AGBL4: variants seen among roughly 807,000 people sequenced by gnomAD.
AGBL4 encodes AGBL carboxypeptidase 4, also known as cytosolic carboxypeptidase 6.
A neutral mutation model predicts 66.4 loss-of-function variants in AGBL4; 58 were observed. The ratio of observed to expected loss-of-function variants is 0.87; its 90% CI spans 0.71 to 1.09. The LOEUF is 1.09. Among genes scored for constraint, AGBL4 ranks in the 50% least tolerant of loss-of-function variants. AGBL4 has a pLI of 0.00. For missense variants in AGBL4, 579 were observed against 631.0 expected (o/e 0.92, Z 0.88); for synonymous variants, 234 against 222.9 (o/e 1.05, Z -0.44).
chr1:49,658,019 A>C (rs1207678133), intron 3 of AGBL4, among the ~76,000 whole-genome samples: 8 of 152,218 alleles, frequency 5.3e-5, no homozygotes, highest in African/African-American at 7.2e-5. Context: ...GATCTAATTA[A>C]ACTAAAGAGC....
chr1:48,887,056 G>T (rs188705125), intron 5 of AGBL4, among the ~76,000 whole-genome samples: 114 of 152,252 alleles, frequency 7.5e-4, no homozygotes, highest in East Asian at 3.9e-3. Context: ...AAGGACTCAG[G>T]ACTGTTTCTT....
intron 5 of AGBL4, among the ~76,000 whole-genome samples, chr1:48,955,134 C>G (rs1657327509): frequency 6.6e-6 from 1 of 152,198 alleles, no homozygotes; most frequent in South Asian, 2.1e-4. Flanking sequence ...CCTTCCCCTT[C>G]TTCCAAGCTT....
intron 3 of AGBL4, among the ~76,000 whole-genome samples, chr1:49,528,905 A>T (rs1001011993): frequency 6.6e-6 from 1 of 152,108 alleles, no homozygotes; most frequent in African/African-American, 2.4e-5. Flanking sequence ...GGGAGTAAAT[A>T]GTAGGAGATG....
Position 48,590,923 on chromosome 1 carries a change from C to T in AGBL4, c.1014G>A (p.Met338Ile), listed in dbSNP as rs201706593. ...CCTCATCCTCAAAGATGTTGCCATA[C>T]ATGAAGCCATTCATCATGGTGGAGT... The part of the protein sequence containing the change: ...HAHSTMMNGF[M>I]YGNIFEDEER... The change falls in exon 10 of 14, where the codon ATG (methionine) becomes ATA (isoleucine). Residue 338 changes from methionine to isoleucine, a missense_variant. Physicochemically the swap from Met to Ile is conservative, Grantham distance 10 (BLOSUM62 1). Transcript: ENST00000371839. The T allele has an allele frequency of 2.0e-4, 328 of 1,610,362 alleles. No individual in the cohort carries two copies. Among genetic ancestry groups the T allele is most frequent in the South Asian group, 6.7e-4 (60 of 89,716 alleles).
intron 6 of AGBL4, among the ~76,000 whole-genome samples, chr1:48,781,193 G>A (rs1224692326): frequency 6.6e-6 from 1 of 151,888 alleles, no homozygotes; most frequent in South Asian, 2.1e-4. Context: ...AAGAACAGAC[G>A]ATGGACCCGG....
At chr1:48,664,275 G>A (rs931691411) in intron 6 of AGBL4, among the ~76,000 whole-genome samples, 8 of 152,186 alleles carry the variant, frequency 5.3e-5, no homozygotes, top group African/African-American at 1.9e-4. Context: ...TTTGTTGGAT[G>A]TGCATACATA....
chr1:49,057,421 A>AAAAAAG (rs1444191242), intron 4 of AGBL4, among the ~76,000 whole-genome samples: 1 of 152,200 alleles, frequency 6.6e-6, no homozygotes, highest in African/African-American at 2.4e-5. Flanking sequence ...GTCTCAAAAC[A>AAAAAAG]AAAAAGAAAA....
intron 5 of AGBL4, among the ~76,000 whole-genome samples, chr1:48,904,716 G>C (rs1652417719): frequency 6.6e-6 from 1 of 152,192 alleles, no homozygotes; most frequent in Admixed American, 6.5e-5. Flanking sequence ...ACATTAGCAT[G>C]AGGTCAGTGC....
chr1:49,002,682 C>T (rs116576501), intron 5 of AGBL4, among the ~76,000 whole-genome samples: 1 of 152,190 alleles, frequency 6.6e-6, no homozygotes, highest in Non-Finnish European at 1.5e-5. Flanking sequence ...AAAGTGCAGT[C>T]TTCCTTAAGA....
rs543632270 is a variant in AGBL4, at chr1:48,563,603, CAGAG to C, written c.1267+23397_1267+23400del. Among the ~76,000 whole-genome samples the C allele has an allele frequency of 4.9e-3, 740 of 151,956 alleles. 5 individuals carry two copies. The highest frequency in any genetic ancestry group is 0.017 in the African/African-American group (710 of 41,402). The stretch of plus-strand genomic sequence containing the variant: ...AAAGACAAATTCTCAGAGAAAGTGA[CAGAG>C]AGAGAGAATTAGAAGGAAAAACAAA... On this transcript the variant is annotated intron_variant, in intron 11 of 13. Transcript: ENST00000371839.
At chr1:49,519,784 G>C (rs955321188) in intron 3 of AGBL4, among the ~76,000 whole-genome samples, 1 of 152,058 alleles carries the variant, frequency 6.6e-6, no homozygotes, top group Non-Finnish European at 1.5e-5. Flanking sequence ...ATGAGACTAT[G>C]CAAACTAGGT....
At chr1:49,940,042 G>A (rs541705261) in intron 1 of AGBL4, among the ~76,000 whole-genome samples, 1 of 152,208 alleles carries the variant, frequency 6.6e-6, no homozygotes, top group South Asian at 2.1e-4. Context: ...GTGGGTGAAG[G>A]ACATGAACAG....
chr1:48,995,386 C>A (rs1429198233), intron 5 of AGBL4, among the ~76,000 whole-genome samples: 1 of 152,138 alleles, frequency 6.6e-6, no homozygotes, highest in African/African-American at 2.4e-5. Flanking sequence ...ATAGGTCAGT[C>A]TACAGATATT....
chr1:48,926,771 C>A (rs1402254717), intron 5 of AGBL4, among the ~76,000 whole-genome samples: 1 of 152,104 alleles, frequency 6.6e-6, no homozygotes. Flanking sequence ...TAAAGACTGA[C>A]TTGAAGTCTG....
intron 7 of AGBL4, among the ~76,000 whole-genome samples, chr1:48,656,807 C>T (rs868356199): frequency 1.3e-5 from 2 of 151,996 alleles, no homozygotes; most frequent in South Asian, 4.2e-4. Flanking sequence ...ACCATAAACC[C>T]GGGATTCATA....
At chr1:49,426,900 A>G (rs1645672054) in intron 3 of AGBL4, among the ~76,000 whole-genome samples, 1 of 152,126 alleles carries the variant, frequency 6.6e-6, no homozygotes, top group South Asian at 2.1e-4. Context: ...AAGCCAAGGA[A>G]ATGGCCCTAA....
intron 9 of AGBL4, among the ~76,000 whole-genome samples, chr1:48,612,512 C>G (rs1645254429): frequency 6.6e-6 from 1 of 152,188 alleles, no homozygotes; most frequent in Non-Finnish European, 1.5e-5. Flanking sequence ...AGGGAGGCTT[C>G]TTTCTACAGT....
intron 3 of AGBL4, among the ~76,000 whole-genome samples, chr1:49,365,584 T>C (rs1644227248): frequency 6.6e-6 from 1 of 151,510 alleles, no homozygotes; most frequent in African/African-American, 2.4e-5. Flanking sequence ...GACTTATTAT[T>C]ATCATTATAA....
intron 2 of AGBL4, among the ~76,000 whole-genome samples, chr1:49,733,089 A>G (rs912719001): frequency 2.0e-5 from 3 of 152,240 alleles, no homozygotes; most frequent in Non-Finnish European, 4.4e-5. Context: ...TTAACAACTG[A>G]CTTTCATCAG....
Sources: gnomAD v4.1 joint callset for allele counts (sites outside exome capture counted in the v4.1 genomes callset) on GRCh38, gnomAD v4.1.1 for gene constraint, MANE v1.5 for transcripts, NCBI Gene and HGNC (gene_info 2026-07-23, HGNC 2026-07-21) for gene names.